Variants in MAGT1 observed in about 807,000 individuals in gnomAD.
The protein encoded by MAGT1 is dolichyl-diphosphooligosaccharide--protein glycosyltransferase subunit MAGT1.
In MAGT1, 4 loss-of-function variants were observed where a neutral mutation model predicts 28.4. That is an observed-to-expected ratio of 0.14 (90% confidence interval 0.07 to 0.32). The LOEUF is 0.32. MAGT1 is among the 10% of genes least tolerant of loss of function. The pLI is 1.00. For synonymous variants in MAGT1, 89 were observed against 89.7 expected (o/e 0.99, Z 0.04); for missense variants, 193 against 264.5 (o/e 0.73, Z 1.88).
intron 5 of MAGT1, 89 bp from the exon 6 acceptor site, chrX:77,855,679 A>C (rs189506383): frequency 1.5e-6 from 1 of 655,292 alleles, no homozygotes; most frequent in East Asian, 3.5e-5. Flanking sequence ...GCATCTGTTT[A>C]GTTAAGACAT....
intron 6 of MAGT1, among the ~76,000 whole-genome samples, 158 bp from the exon 7 acceptor site, chrX:77,854,122 AC>A (rs1462840676): frequency 9.8e-5 from 11 of 112,047 alleles, no homozygotes; most frequent in African/African-American, 3.6e-4. Flanking sequence ...AAGTCTGGTT[AC>A]TATAAGGCTA....
At chrX:77,895,542 T>G (rs1348151481), upstream of MAGT1, 4 of 1,106,953 alleles carry the variant, frequency 3.6e-6, no homozygotes, top group Non-Finnish European at 4.8e-6. Flanking sequence ...ACCCCTCACA[T>G]TACGTCACAG....
At chrX:77,842,589 G>C (rs1013023025) in intron 7 of MAGT1, among the ~76,000 whole-genome samples, 30 of 111,500 alleles carry the variant, frequency 2.7e-4, no homozygotes, top group African/African-American at 9.4e-4. Context: ...CACTTTGAGA[G>C]GCAGAGGTAG....
intron 7 of MAGT1, among the ~76,000 whole-genome samples, chrX:77,848,034 C>G (rs1403943376): frequency 8.9e-6 from 1 of 112,084 alleles, no homozygotes; most frequent in Non-Finnish European, 1.9e-5. Flanking sequence ...AATGAGCTTT[C>G]CTTCTTGCTA....
intron 4 of MAGT1, 56 bp from the exon 5 acceptor site, chrX:77,856,929 T>C: frequency 2.0e-6 from 2 of 1,015,453 alleles, no homozygotes; most frequent in Non-Finnish European, 2.7e-6. Flanking sequence ...ACTAATTATA[T>C]GGGTCAAAAT....
At chrX:77,881,646 T>G (rs1462118158) in intron 1 of MAGT1, among the ~76,000 whole-genome samples, 5 of 111,313 alleles carry the variant, frequency 4.5e-5, no homozygotes, top group African/African-American at 1.6e-4. Context: ...TGCCACATTT[T>G]CTTAATCCAG....
At chrX:77,847,958 T>A in intron 7 of MAGT1, among the ~76,000 whole-genome samples, 1 of 111,634 alleles carries the variant, frequency 9.0e-6, no homozygotes, top group Non-Finnish European at 1.9e-5. Flanking sequence ...TACTCTCTGA[T>A]TAATGATTGA....
intron 1 of MAGT1, among the ~76,000 whole-genome samples, chrX:77,888,937 CTTTTAA>C (rs1557219205): frequency 9.1e-6 from 1 of 110,034 alleles, no homozygotes; most frequent in East Asian, 2.8e-4. Flanking sequence ...TCCAATTATA[CTTTTAA>C]TTATTTTAAA....
upstream of MAGT1, chrX:77,895,488 G>A (rs782213854): frequency 1.0e-5 from 12 of 1,174,376 alleles, no homozygotes; most frequent in South Asian, 1.7e-4. Flanking sequence ...AGGCAAATCG[G>A]CCCCTTGCCT....
chrX:77,858,880 G>A (rs1183386586), intron 3 of MAGT1, among the ~76,000 whole-genome samples: 2 of 111,776 alleles, frequency 1.8e-5, no homozygotes, highest in Non-Finnish European at 3.8e-5. Flanking sequence ...TATTTGTTTA[G>A]TTACACCACC....
intron 4 of MAGT1, 38 bp downstream of exon 4, chrX:77,857,319 A>G: frequency 8.3e-7 from 1 of 1,208,768 alleles, no homozygotes; most frequent in Non-Finnish European, 1.1e-6. Context: ...CAAAGGGGAT[A>G]ATGGCCAAGA....
At chrX:77,895,556 G>T, upstream of MAGT1, 1 of 1,066,649 alleles carries the variant, frequency 9.4e-7, no homozygotes, top group Non-Finnish European at 1.3e-6. Context: ...GTCACAGCGC[G>T]CTGGCGCTAC....
chrX:77,849,644 G>C (rs782237737), intron 7 of MAGT1, among the ~76,000 whole-genome samples: 1 of 110,530 alleles, frequency 9.0e-6, no homozygotes, highest in South Asian at 3.8e-4. Context: ...GCCGAGGCAG[G>C]CGGATCAGTT....
rs781914889 is a variant in MAGT1 at position 77,867,333 on chromosome X, T to C, written c.390+3475A>G. On this transcript the variant is annotated intron_variant, in intron 3 of 9. Coordinates refer to ENST00000618282, the MANE Select transcript of MAGT1 (RefSeq NM_001367916.1). ...CATTGGCCCTCTTTGTTATTGTTGT[T>C]TTCTTAAGAGTTGGGGTCTGGCTCT... is the stretch of plus-strand genomic sequence containing the variant. Among the ~76,000 whole-genome samples, 6 of 66,578 alleles carry C rather than the reference T, an allele frequency of 9.0e-5. 2 individuals carry two copies. The East Asian group carries it at 2.8e-3, about 31-fold the overall frequency. The allele number at this position is 66,578 out of a possible 115,157, so 57.8% of individuals were successfully genotyped here.
At chrX:77,877,192 T>C (rs1232661961) in intron 1 of MAGT1, among the ~76,000 whole-genome samples, 1 of 110,478 alleles carries the variant, frequency 9.1e-6, no homozygotes, top group African/African-American at 3.3e-5. Context: ...ATTGATATAC[T>C]GGACCTCATC....
chrX:77,890,622 G>A lies in MAGT1; in HGVS notation c.102+4687C>T, dbSNP rs1175776601. Reference sequence around the variant, plus strand: ...AGCAAAGTTTTTCCAATGATAGCCTGCCTTGTTAAACATCCCAAAAAGATC... The same window carrying A: ...AGCAAAGTTTTTCCAATGATAGCCTACCTTGTTAAACATCCCAAAAAGATC... On this transcript the variant is annotated intron_variant, in intron 1 of 9. Transcript: ENST00000618282. Among the ~76,000 whole-genome samples, 3 of 111,935 alleles carry A rather than the reference G, an allele frequency of 2.7e-5. No individual in the cohort carries two copies. The Admixed American group carries it at 2.9e-4, about 11-fold the overall frequency.
At chrX:77,849,653 T>C (rs1557215330) in intron 7 of MAGT1, among the ~76,000 whole-genome samples, 1 of 109,979 alleles carries the variant, frequency 9.1e-6, no homozygotes, top group East Asian at 2.9e-4. Flanking sequence ...GGCGGATCAG[T>C]TGAGCTCAGG....
intron 5 of MAGT1, chrX:77,856,416 T>A (rs1557215987): frequency 5.7e-6 from 1 of 174,751 alleles, no homozygotes; most frequent in African/African-American, 3.3e-5. Context: ...CCAGTCTGGG[T>A]GACAGACCAA....
chrX:77,871,883 C>T (rs2077021347), intron 2 of MAGT1, among the ~76,000 whole-genome samples: 1 of 110,729 alleles, frequency 9.0e-6, no homozygotes, highest in South Asian at 3.8e-4. Flanking sequence ...TTGAATTTTT[C>T]CATATCTCCC....
Sources: gnomAD v4.1 joint callset for allele counts (sites outside exome capture counted in the v4.1 genomes callset) on GRCh38, gnomAD v4.1.1 for gene constraint, MANE v1.5 for transcripts, NCBI Gene and HGNC (gene_info 2026-07-23, HGNC 2026-07-21) for gene names.